EYS: variants seen among roughly 807,000 people sequenced by gnomAD.
EYS encodes EGF-like photoreceptor maintenance factor, also known as protein eyes shut homolog.
EYS carries 250 observed loss-of-function variants against 282.1 expected under a neutral mutation model. The ratio of observed to expected loss-of-function variants is 0.89; its 90% CI spans 0.80 to 0.98. The LOEUF is 0.98. Ranked by LOEUF, EYS falls within the 50% of genes least tolerant of loss-of-function variation. The pLI is 0.00. For synonymous variants in EYS, 1,355 were observed against 1,282.9 expected (o/e 1.06, Z -1.20); for missense variants, 4,016 against 3,709.0 (o/e 1.08, Z -2.15).
chr6:65,327,920 T>G (rs1582145499), intron 11 of EYS, among the ~76,000 whole-genome samples: 1 of 151,438 alleles, frequency 6.6e-6, no homozygotes, highest in African/African-American at 2.4e-5. Flanking sequence ...TCTAAGAAAT[T>G]TCTGAATGAA....
chr6:65,654,267 T>A (rs1562311493), intron 1 of EYS, among the ~76,000 whole-genome samples: 1 of 151,848 alleles, frequency 6.6e-6, no homozygotes, highest in Non-Finnish European at 1.5e-5. Context: ...TATGTGTCAC[T>A]TTCCTTTGCC....
At chr6:64,956,835 G>A (rs9342453) in intron 14 of EYS, among the ~76,000 whole-genome samples, 54,280 of 151,972 alleles carry the variant, frequency 0.36, 11,736 homozygotes, top group Admixed American at 0.5. Flanking sequence ...ATATGAAAAG[G>A]TGCTTAACAT....
intron 26 of EYS, among the ~76,000 whole-genome samples, chr6:64,501,409 A>G (rs542531740): frequency 6.6e-6 from 1 of 152,240 alleles, no homozygotes; most frequent in Non-Finnish European, 1.5e-5. Flanking sequence ...TCTGTGATGC[A>G]GTTCCATATT....
chr6:65,020,225 T>A (rs1358903865), intron 13 of EYS, among the ~76,000 whole-genome samples: 1 of 151,972 alleles, frequency 6.6e-6, no homozygotes, highest in East Asian at 1.9e-4. Context: ...AAAAGTCCAA[T>A]CCAAAGTCTC....
intron 1 of EYS, among the ~76,000 whole-genome samples, chr6:65,661,778 T>C (rs1205337925): frequency 6.6e-6 from 1 of 152,102 alleles, no homozygotes; most frequent in Admixed American, 6.6e-5. Context: ...TAAAAATCTG[T>C]GCCTGCACAA....
chr6:64,652,530 AG>A (rs1768600266), intron 22 of EYS, among the ~76,000 whole-genome samples: 1 of 152,182 alleles, frequency 6.6e-6, no homozygotes, highest in Admixed American at 6.5e-5. Flanking sequence ...CCTAAGGCCT[AG>A]AGAGAAACTA....
At chr6:64,098,223 T>G (rs536871085) in intron 31 of EYS, among the ~76,000 whole-genome samples, 15 of 152,290 alleles carry the variant, frequency 9.8e-5, no homozygotes, top group South Asian at 6.2e-4. Flanking sequence ...ATATCCAGAA[T>G]AGTATATTTT....
At position 64,029,252 on chromosome 6, in the gene EYS, T is replaced by C. The variant is rs909514647; in HGVS notation, c.6726-30069A>G. On this transcript the variant is annotated intron_variant, in intron 33 of 42. Coordinates refer to ENST00000503581, the MANE Select transcript of EYS (RefSeq NM_001142800.2). ...TAGCTCTTTGAGTCCTTACTCAGACTTGTGGGACAACCCCACAGCCAGTGG... is the reference window on the plus strand; with the variant it reads ...TAGCTCTTTGAGTCCTTACTCAGACCTGTGGGACAACCCCACAGCCAGTGG... 7.9e-5 allele frequency among the ~76,000 whole-genome samples: 12 copies of C among 152,290 alleles called. No individual in the cohort carries two copies. In the East Asian group the frequency reaches 2.1e-3, roughly 27 times the overall value.
intron 1 of EYS, among the ~76,000 whole-genome samples, chr6:65,689,647 T>C (rs1448950844): frequency 6.7e-6 from 1 of 150,372 alleles, no homozygotes; most frequent in Non-Finnish European, 1.5e-5. Flanking sequence ...AGTATTTTAC[T>C]GCTTCATCCT....
chr6:65,175,454 G>C (rs1409709335), intron 12 of EYS, among the ~76,000 whole-genome samples: 3 of 151,328 alleles, frequency 2.0e-5, no homozygotes, highest in Admixed American at 2.0e-4. Flanking sequence ...CATATCATTT[G>C]AGTGGTATGA....
chr6:65,346,680 G>GA (rs1321848553), intron 9 of EYS, among the ~76,000 whole-genome samples: 5 of 151,660 alleles, frequency 3.3e-5, no homozygotes, highest in South Asian at 4.2e-4. Context: ...CTTTTTAGGG[G>GA]AAAAAATACA....
At chr6:65,258,297 A>T (rs1582071855) in intron 12 of EYS, among the ~76,000 whole-genome samples, 1 of 152,030 alleles carries the variant, frequency 6.6e-6, no homozygotes, top group Non-Finnish European at 1.5e-5. Context: ...AGAAGAGTTG[A>T]ATTAGAGGAG....
intron 31 of EYS, among the ~76,000 whole-genome samples, chr6:64,143,859 A>C (rs1338974688): frequency 1.3e-5 from 2 of 152,206 alleles, no homozygotes; most frequent in African/African-American, 2.4e-5. Context: ...GGAGAACATA[A>C]AGGATATTTA....
At chr6:65,464,743 C>A (rs538080847) in intron 5 of EYS, among the ~76,000 whole-genome samples, 1 of 152,170 alleles carries the variant, frequency 6.6e-6, no homozygotes, top group Admixed American at 6.6e-5. Flanking sequence ...TTTCATGCTT[C>A]CATTGATTCA....
intron 36 of EYS, among the ~76,000 whole-genome samples, chr6:63,824,154 C>T (rs1771395262): frequency 6.6e-6 from 1 of 152,074 alleles, no homozygotes; most frequent in African/African-American, 2.4e-5. Flanking sequence ...CAGGCAAGTT[C>T]TAAATAAAGA....
chr6:64,985,605 T>TA (rs1236557817), intron 14 of EYS, among the ~76,000 whole-genome samples: 3 of 151,402 alleles, frequency 2.0e-5, no homozygotes, highest in Non-Finnish European at 4.4e-5. Context: ...ATAACAGTCA[T>TA]ATAGTGACTG....
At chr6:65,092,937 C>A (rs984023800) in intron 12 of EYS, among the ~76,000 whole-genome samples, 1 of 152,110 alleles carries the variant, frequency 6.6e-6, no homozygotes, top group Non-Finnish European at 1.5e-5. Context: ...CCAACAACTT[C>A]CCAAAGTTTT....
chr6:64,953,347 C>A (rs1263603743), intron 14 of EYS, among the ~76,000 whole-genome samples: 1 of 151,578 alleles, frequency 6.6e-6, no homozygotes, highest in Non-Finnish European at 1.5e-5. Flanking sequence ...GAAAGAAGGA[C>A]AAATATTTTT....
intron 36 of EYS, among the ~76,000 whole-genome samples, chr6:63,837,017 T>C (rs530076790): frequency 6.6e-6 from 1 of 152,208 alleles, no homozygotes; most frequent in African/African-American, 2.4e-5. Flanking sequence ...GGACTATTTT[T>C]GTTTTGTATT....
Sources: allele counts gnomAD v4.1 joint callset (sites outside exome capture counted in the v4.1 genomes callset), GRCh38; gene constraint gnomAD v4.1.1; transcripts MANE v1.5; gene names NCBI Gene and HGNC (gene_info 2026-07-23, HGNC 2026-07-21).